Variants in RALY observed in about 807,000 individuals in gnomAD.
RALY encodes RNA-binding protein Raly.
In RALY, 15 loss-of-function variants were observed where a neutral mutation model predicts 30.7. The observed-to-expected ratio is 0.49, with a 90% CI of 0.33 to 0.75. RALY has a LOEUF of 0.75. Ranked by LOEUF, RALY falls within the 30% of genes least tolerant of loss-of-function variation. The pLI is 0.02. For missense variants in RALY, 339 were observed against 414.3 expected, an observed-to-expected ratio of 0.82 and a Z score of 1.58; for synonymous variants, 177 against 170.8, an observed-to-expected ratio of 1.04 and a Z score of -0.28.
intron 1 of RALY, among the ~76,000 whole-genome samples, chr20:34,003,272 G>A (rs1489910657): frequency 1.3e-5 from 2 of 152,164 alleles, no homozygotes; most frequent in African/African-American, 2.4e-5. Context: ...GTGAAGTGGG[G>A]TTAACACTCC....
chr20:34,053,920 A>G (rs1020874099), intron 2 of RALY, among the ~76,000 whole-genome samples: 2 of 152,116 alleles, frequency 1.3e-5, no homozygotes, highest in Non-Finnish European at 1.5e-5. Flanking sequence ...CTGTCCTTAT[A>G]CATACTACCC....
intron 2 of RALY, among the ~76,000 whole-genome samples, chr20:34,038,745 CTG>C (rs577198517): frequency 2.6e-4 from 40 of 152,184 alleles, no homozygotes; most frequent in Non-Finnish European, 5.7e-4. Flanking sequence ...CATTTATTTT[CTG>C]TGTGACTAAC....
intron 9 of RALY, among the ~76,000 whole-genome samples, chr20:34,079,001 A>G (rs1173242923): frequency 6.6e-6 from 1 of 152,234 alleles, no homozygotes; most frequent in Non-Finnish European, 1.5e-5. Flanking sequence ...TTAGCCATAC[A>G]GAGCTGTGAC....
chr20:34,065,290 A>G (rs2033538722), intron 2 of RALY: 1 of 152,234 alleles, frequency 6.6e-6, no homozygotes, highest in African/African-American at 2.4e-5. Flanking sequence ...TCAGACCTGA[A>G]AGGTAATCAG....
At chr20:34,040,117 A>C (rs2032644911) in intron 2 of RALY, among the ~76,000 whole-genome samples, 1 of 152,136 alleles carries the variant, frequency 6.6e-6, no homozygotes, top group African/African-American at 2.4e-5. Context: ...TCTCAAAAAA[A>C]AAAAAGTGCA....
intron 6 of RALY, chr20:34,076,241 A>G: frequency 1.4e-6 from 1 of 691,392 alleles, no homozygotes; most frequent in South Asian, 1.9e-5. Context: ...GGGCACAGAG[A>G]GTCCAGTGCT....
chr20:34,012,057 C>A (rs1313446921), intron 1 of RALY, among the ~76,000 whole-genome samples: 1 of 147,286 alleles, frequency 6.8e-6, no homozygotes, highest in East Asian at 1.9e-4. Context: ...CAGAGTGAGA[C>A]CCTGTCTCAA....
intron 2 of RALY, among the ~76,000 whole-genome samples, chr20:34,038,342 T>A (rs2032576628): frequency 6.6e-6 from 1 of 152,112 alleles, no homozygotes; most frequent in South Asian, 2.1e-4. Context: ...CTAAGCTGGA[T>A]AACAACAGCT....
intron 8 of RALY, among the ~76,000 whole-genome samples, chr20:34,078,043 G>A (rs769384605): frequency 6.6e-6 from 1 of 152,218 alleles, no homozygotes; most frequent in Non-Finnish European, 1.5e-5. Context: ...GGGTTCTATC[G>A]TGAGAACAGA....
chr20:34,028,681 G>A (rs1411773865), intron 1 of RALY, among the ~76,000 whole-genome samples: 3 of 133,098 alleles, frequency 2.3e-5, no homozygotes, highest in Non-Finnish European at 3.1e-5. Flanking sequence ...TCCAGCATGG[G>A]TGACAGAGCG....
intron 5 of RALY, 51 bp downstream of exon 5, chr20:34,073,917 T>C (rs758096833): frequency 5.7e-6 from 9 of 1,580,808 alleles, no homozygotes; most frequent in African/African-American, 2.7e-5. Flanking sequence ...GCTGGAAGGG[T>C]CTTGAGAGAT....
intron 1 of RALY, among the ~76,000 whole-genome samples, chr20:33,997,340 CCTG>C (rs961376683): frequency 1.3e-5 from 2 of 152,164 alleles, no homozygotes; most frequent in African/African-American, 2.4e-5. Context: ...GCTTCGAACT[CCTG>C]AACCTCAGGT....
intron 2 of RALY, among the ~76,000 whole-genome samples, chr20:34,042,892 A>G (rs1295737747): frequency 1.3e-5 from 2 of 152,220 alleles, no homozygotes; most frequent in Non-Finnish European, 2.9e-5. Context: ...GACTTAGTTC[A>G]TAGTAAACAA....
At chr20:34,053,873 TATTGCTGACAAGGATGGC>T in intron 2 of RALY, among the ~76,000 whole-genome samples, 1 of 152,258 alleles carries the variant, frequency 6.6e-6, no homozygotes, top group South Asian at 2.1e-4. Context: ...TCACTATTGA[TATTGCTGACAAGGATGGC>T]ATTTTCTGGC....
At chr20:34,040,112 A>G (rs1417037592) in intron 2 of RALY, among the ~76,000 whole-genome samples, 1 of 149,570 alleles carries the variant, frequency 6.7e-6, no homozygotes, top group Non-Finnish European at 1.5e-5. Context: ...CCCCATCTCA[A>G]AAAAAAAAAA....
intron 1 of RALY, among the ~76,000 whole-genome samples, chr20:34,025,247 C>G (rs2031974676): frequency 6.6e-6 from 1 of 151,882 alleles, no homozygotes; most frequent in African/African-American, 2.4e-5. Context: ...AACGCAGCTT[C>G]CCTTTCTCTT....
chr20:34,010,341 A>G (rs1471718821), intron 1 of RALY, among the ~76,000 whole-genome samples: 10 of 152,184 alleles, frequency 6.6e-5, no homozygotes, highest in Non-Finnish European at 1.3e-4. Flanking sequence ...TGGTTCTCCC[A>G]CCTCAGTCTC....
chr20:34,027,655 G>T (rs916716571), intron 1 of RALY, among the ~76,000 whole-genome samples: 2 of 152,202 alleles, frequency 1.3e-5, no homozygotes, highest in Admixed American at 1.3e-4. Flanking sequence ...AATCATCTGT[G>T]CATCCTCCAT....
At chr20:34,056,544 TAGGTGAACAATAAATGATTTTTTGATA>T (rs967100688) in intron 2 of RALY, among the ~76,000 whole-genome samples, 4 of 152,236 alleles carry the variant, frequency 2.6e-5, no homozygotes, top group Non-Finnish European at 5.9e-5. Context: ...CTGGCAGTAA[TAGGTGAACAATAAATGATTTTTTGATA>T]AATGAGTAAA....
Sources: gnomAD v4.1 joint callset for allele counts (sites outside exome capture counted in the v4.1 genomes callset) on GRCh38, gnomAD v4.1.1 for gene constraint, MANE v1.5 for transcripts, NCBI Gene and HGNC (gene_info 2026-07-23, HGNC 2026-07-21) for gene names.